The following MSRA variants were observed in gnomAD, a reference collection of about 807,000 sequenced individuals.
MSRA encodes methionine sulfoxide reductase A, also known as mitochondrial peptide methionine sulfoxide reductase.
A neutral mutation model predicts 31.3 loss-of-function variants in MSRA; 54 were observed. The observed-to-expected ratio is 1.73, with a 90% CI of 1.39 to 2.17. The LOEUF is 2.17. Ranked by LOEUF, MSRA falls within the 30% of genes most tolerant of loss-of-function variation. The probability of loss-of-function intolerance (pLI) is 0.00; values close to 1 mark genes in which losing one functional copy is unlikely to be tolerated. For synonymous variants in MSRA, 169 were observed against 116.5 expected, an observed-to-expected ratio of 1.45 and a Z score of -2.90; for missense variants, 507 against 300.9, an observed-to-expected ratio of 1.69 and a Z score of -5.07.
intron 3 of MSRA, among the ~76,000 whole-genome samples, chr8:10,276,530 A>G (rs1799330783): frequency 6.6e-6 from 1 of 152,196 alleles, no homozygotes; most frequent in South Asian, 2.1e-4. Flanking sequence ...GCCCAAAATT[A>G]TTTCGAAAAT....
chr8:10,367,249 A>G (rs1162630791), intron 5 of MSRA, among the ~76,000 whole-genome samples: 2 of 152,202 alleles, frequency 1.3e-5, no homozygotes, highest in East Asian at 3.8e-4. Context: ...GTGAGTAAGA[A>G]CAATAAGATA....
intron 5 of MSRA, among the ~76,000 whole-genome samples, chr8:10,342,526 G>A (rs190483516): frequency 1.4e-4 from 21 of 152,286 alleles, no homozygotes; most frequent in African/African-American, 2.4e-4. Context: ...CCTCTGAGCC[G>A]CACGGAACTG....
At chr8:10,206,151 T>G (rs1016777054) in intron 1 of MSRA, among the ~76,000 whole-genome samples, 4 of 152,222 alleles carry the variant, frequency 2.6e-5, no homozygotes, top group African/African-American at 4.8e-5. Context: ...TCCAAACCAC[T>G]GACAGGGCTG....
chr8:10,203,571 C>T (rs748772700), intron 1 of MSRA, among the ~76,000 whole-genome samples: 1 of 152,204 alleles, frequency 6.6e-6, no homozygotes, highest in African/African-American at 2.4e-5. Context: ...TTTGGTCACA[C>T]TGTTGTAAAC....
At position 10,185,656 on chromosome 8, in the gene MSRA, T is replaced by G. The variant is rs188870260; in HGVS notation, c.143-22177T>G. On this transcript the variant is annotated intron_variant, in intron 1 of 5. Transcript: ENST00000317173. ...AAGTAGCAGATGGTTCTCTGTGATC[T>G]TCAAGAGCCAGGCCCTGGTGGTATT... Among the ~76,000 whole-genome samples, 159 of 152,300 alleles carry G rather than the reference T, an allele frequency of 1.0e-3. 1 individual carries two copies. Among genetic ancestry groups the G allele is most frequent in the Middle Eastern group, 0.01 (3 of 294 alleles).
Position 10,346,611 on chromosome 8 carries a change from G to C in MSRA, c.543+26622G>C, listed in dbSNP as rs546519133. Among the ~76,000 whole-genome samples the C allele has an allele frequency of 3.3e-5, 5 of 152,344 alleles. No individual in the cohort carries two copies. The East Asian group carries it at 9.7e-4, about 29-fold the overall frequency. ...GCGGAAGAGAGAAAGCTCCAGAGTG[G>C]AAAAGAGGGAAAGCTTCAAGTATGT... On this transcript the variant is annotated intron_variant, in intron 5 of 5. Transcript: ENST00000317173.
intron 5 of MSRA, among the ~76,000 whole-genome samples, chr8:10,328,457 C>T (rs1802505941): frequency 2.0e-5 from 3 of 152,116 alleles, no homozygotes; most frequent in Admixed American, 6.5e-5. Context: ...TGATTTAAGC[C>T]ACCATTATCT....
At chr8:10,080,062 CTTCT>C (rs1798213233) in intron 1 of MSRA, among the ~76,000 whole-genome samples, 1 of 152,196 alleles carries the variant, frequency 6.6e-6, no homozygotes, top group African/African-American at 2.4e-5. Context: ...CTAAGCCACG[CTTCT>C]TTCTTGCATG....
intron 5 of MSRA, among the ~76,000 whole-genome samples, chr8:10,408,993 T>C (rs1036298778): frequency 1.3e-5 from 2 of 152,242 alleles, no homozygotes. Flanking sequence ...GTTGATTCCA[T>C]ATCCTTGCTG....
chr8:10,325,948 A>G (rs946619190), intron 5 of MSRA, among the ~76,000 whole-genome samples: 5 of 152,214 alleles, frequency 3.3e-5, no homozygotes, highest in Admixed American at 3.3e-4. Context: ...AGAACTCTGT[A>G]CTGTAGTCAG....
intron 1 of MSRA, among the ~76,000 whole-genome samples, chr8:10,086,280 C>T (rs950220812): frequency 6.6e-6 from 1 of 152,154 alleles, no homozygotes; most frequent in Admixed American, 6.5e-5. Context: ...TCAGGTTGAG[C>T]AGTTGGATGC....
intron 3 of MSRA, among the ~76,000 whole-genome samples, chr8:10,296,270 C>T (rs751916705): frequency 1.3e-5 from 2 of 152,278 alleles, no homozygotes; most frequent in Non-Finnish European, 1.5e-5. Flanking sequence ...AAGAAGGAGG[C>T]GTCCTTAAAT....
intron 1 of MSRA, chr8:10,096,275 C>G (rs1374610117): frequency 1.7e-6 from 2 of 1,158,524 alleles, no homozygotes; most frequent in East Asian, 4.0e-5. Flanking sequence ...ACCAGAAAGG[C>G]AAGCTGAAGA....
chr8:10,253,837 G>C (rs1280397254), intron 3 of MSRA, among the ~76,000 whole-genome samples: 1 of 151,966 alleles, frequency 6.6e-6, no homozygotes, highest in African/African-American at 2.4e-5. Flanking sequence ...TAGAGCCTTA[G>C]AATAAAGGTT....
At chr8:10,243,393 C>T (rs867935021) in intron 2 of MSRA, among the ~76,000 whole-genome samples, 3 of 152,222 alleles carry the variant, frequency 2.0e-5, no homozygotes, top group Middle Eastern at 3.4e-3. Flanking sequence ...TCCCCTCATC[C>T]CAAGGAATGC....
chr8:10,252,523 C>T (rs374556094), intron 3 of MSRA, among the ~76,000 whole-genome samples: 14 of 152,208 alleles, frequency 9.2e-5, no homozygotes, highest in Admixed American at 2.0e-4. Flanking sequence ...AAGGGTGTGA[C>T]AGTAAAGAGC....
intron 1 of MSRA, among the ~76,000 whole-genome samples, chr8:10,104,446 A>G (rs1255579294): frequency 6.6e-6 from 1 of 152,148 alleles, no homozygotes; most frequent in Non-Finnish European, 1.5e-5. Flanking sequence ...ATCATTCAAT[A>G]CCTGTAAGAT....
intron 4 of MSRA, among the ~76,000 whole-genome samples, chr8:10,305,895 A>G (rs946932730): frequency 1.3e-5 from 2 of 152,184 alleles, no homozygotes; most frequent in Non-Finnish European, 2.9e-5. Context: ...TAGCATCATT[A>G]CTCATGTGGT....
intron 1 of MSRA, among the ~76,000 whole-genome samples, chr8:10,072,565 A>G (rs1180938377): frequency 2.0e-5 from 3 of 152,096 alleles, no homozygotes; most frequent in Non-Finnish European, 4.4e-5. Flanking sequence ...TTCCCTTTCA[A>G]GATTGTTTTA....
Sources: allele counts gnomAD v4.1 joint callset (sites outside exome capture counted in the v4.1 genomes callset), GRCh38; gene constraint gnomAD v4.1.1; transcripts MANE v1.5; gene names NCBI Gene and HGNC (gene_info 2026-07-23, HGNC 2026-07-21).